Variants in LRRC75A observed in about 807,000 individuals in gnomAD.
LRRC75A encodes leucine-rich repeat-containing protein 75A.
A neutral mutation model predicts 26.0 loss-of-function variants in LRRC75A; 12 were observed. The ratio of observed to expected loss-of-function variants is 0.46; its 90% CI spans 0.30 to 0.75. The LOEUF (loss-of-function observed/expected upper bound fraction) is 0.75, where lower values mean the gene tolerates loss of function less well. Among genes scored for constraint, LRRC75A ranks in the 30% least tolerant of loss-of-function variants. LRRC75A has a pLI of 0.08. For missense variants in LRRC75A, 410 were observed against 486.6 expected, an observed-to-expected ratio of 0.84 and a Z score of 1.48; for synonymous variants, 223 against 219.3, an observed-to-expected ratio of 1.02 and a Z score of -0.15.
intron 2 of LRRC75A, among the ~76,000 whole-genome samples, chr17:16,457,048 TGCTGACCTGCAG>T (rs1368609363): frequency 6.6e-6 from 1 of 152,156 alleles, no homozygotes; most frequent in Non-Finnish European, 1.5e-5. Context: ...AAAGATGACG[TGCTGACCTGCAG>T]GCTGACCTGG....
intron 1 of LRRC75A, among the ~76,000 whole-genome samples, chr17:16,468,866 G>A (rs939652669): frequency 4.6e-5 from 7 of 152,192 alleles, no homozygotes; most frequent in African/African-American, 1.7e-4. Context: ...TCCAACCTGG[G>A]TGACAGAGCC....
intron 1 of LRRC75A, among the ~76,000 whole-genome samples, chr17:16,477,256 A>C (rs561085385): frequency 7.2e-5 from 11 of 152,346 alleles, no homozygotes; most frequent in Admixed American, 2.6e-4. Context: ...AAAATTGGGC[A>C]CCACAACCTA....
In LRRC75A at chr17:16,444,139, G is replaced by A. The variant is rs745634768; in HGVS notation, c.492-8C>T. On this transcript the variant is annotated splice_region_variant and splice_polypyrimidine_tract_variant and intron_variant, in intron 3 of 3. Coordinates refer to ENST00000470794, the MANE Select transcript of LRRC75A (RefSeq NM_001113567.3). ...GCCAGGACAGCCTTGAGGCTGAAGG[G>A]AAAAAGGACAAACAAGGCTCAGGCA... 6.3e-7 allele frequency: 1 copy of A among 1,576,624 alleles called. No homozygotes were observed. Among genetic ancestry groups the A allele is most frequent in the Admixed American group, 1.8e-5 (1 of 56,242 alleles).
At position 16,455,093 on chromosome 17, in the gene LRRC75A, C is replaced by T. The variant is rs527253373; in HGVS notation, c.376-7133G>A. On this transcript the variant is annotated intron_variant, in intron 2 of 3. Transcript: ENST00000470794. ...GATTACAGGCGCGTGCCACCACGCC[C>T]AGCTAATTTTTGTATTTTTAGTAGA... 4.0e-5 allele frequency among the ~76,000 whole-genome samples: 6 copies of T among 151,770 alleles called. No individual in the cohort carries two copies. The East Asian group carries it at 1.2e-3, about 30-fold the overall frequency.
Position 16,468,615 on chromosome 17 carries a change from G to A in LRRC75A, c.247-6229C>T, listed in dbSNP as rs553084577. 6.9e-4 allele frequency among the ~76,000 whole-genome samples: 105 copies of A among 152,382 alleles called. 2 individuals carry two copies. Among genetic ancestry groups the A allele is most frequent in the Middle Eastern group, 3.4e-3 (1 of 294 alleles). ...GGACACAGTGTCCGTTTTGCAAGAT[G>A]AGAGTTCTGGAGATCAGCTGCACAG... On this transcript the variant is annotated intron_variant, in intron 1 of 3. Transcript: ENST00000470794.
intron 1 of LRRC75A, among the ~76,000 whole-genome samples, chr17:16,475,438 C>T (rs984974929): frequency 6.6e-6 from 1 of 152,182 alleles, no homozygotes; most frequent in African/African-American, 2.4e-5. Context: ...AAGGAGCTGG[C>T]AGTGCTGTCT....
Position 16,485,631 on chromosome 17 carries a change from A to AGTGTGTGTGTGTGT in LRRC75A, c.246+6100_246+6113dup, listed in dbSNP as rs35125617. 1.8e-3 allele frequency among the ~76,000 whole-genome samples: 231 copies of AGTGTGTGTGTGTGT among 128,454 alleles called. 3 individuals carry two copies. Among genetic ancestry groups the AGTGTGTGTGTGTGT allele is most frequent in the African/African-American group, 6.3e-3 (199 of 31,642 alleles). The allele number at this position is 128,454 out of a possible 152,430, so 84.3% of individuals were successfully genotyped here. On this transcript the variant is annotated intron_variant, in intron 1 of 3. Coordinates refer to ENST00000470794, the MANE Select transcript of LRRC75A (RefSeq NM_001113567.3). ...ACAGCCAGGAGGAGCCAGGACAAGC[A>AGTGTGTGTGTGTGT]GTGTGTGTGTGTGTGTGTGTGTGTG... is the stretch of plus-strand genomic sequence containing the variant.
intron 2 of LRRC75A, among the ~76,000 whole-genome samples, chr17:16,456,082 A>G (rs1601120964): frequency 2.8e-5 from 3 of 107,306 alleles, no homozygotes; most frequent in Admixed American, 1.1e-4. Context: ...AGGAAGAGGG[A>G]GAGGAGGAGG....
intron 2 of LRRC75A, among the ~76,000 whole-genome samples, chr17:16,451,916 T>C (rs972810605): frequency 2.3e-4 from 26 of 115,202 alleles, no homozygotes; most frequent in Admixed American, 1.9e-3. Flanking sequence ...GGCTAATTTT[T>C]TTGCATTTTT....
In LRRC75A at chr17:16,443,325, A is replaced by G. The variant is rs1601051169; in HGVS notation, c.*263T>C. On this transcript the variant is annotated 3_prime_UTR_variant, in exon 4 of 4. Coordinates refer to ENST00000470794, the MANE Select transcript of LRRC75A (RefSeq NM_001113567.3). ...AGTCTTTGGGGAAGGCCATGAGCTG[A>G]GCTGAGAGGGTTCTCTGGGGCCTGG... 2 of 468,508 alleles carry G rather than the reference A, an allele frequency of 4.3e-6. No homozygotes were observed. The highest frequency in any genetic ancestry group is 3.3e-5 in the East Asian group (1 of 30,746). The allele number at this position is 468,508 out of a possible 1,614,324, so 29.0% of individuals were successfully genotyped here.
chr17:16,465,617 C>T (rs887473926), intron 1 of LRRC75A, among the ~76,000 whole-genome samples: 1 of 152,226 alleles, frequency 6.6e-6, no homozygotes, highest in African/African-American at 2.4e-5. Flanking sequence ...GCCCCATCTT[C>T]CTGGACCCCC....
In LRRC75A at chr17:16,491,713, GCGCGCCCCC is replaced by G; in HGVS notation, c.246+23_246+31del. On this transcript the variant is annotated intron_variant, in intron 1 of 3. Transcript: ENST00000470794. The surrounding 1 kb of genome is among the most constrained non-coding windows in gnomAD (Gnocchi z 5.9). ...CCGGCCCAGCACGCCCCCTGGCCCG[GCGCGCCCCC>G]CGCGCCCCCTCCCCGCGCTCACCTG... is the stretch of plus-strand genomic sequence containing the variant. 4 of 1,295,312 alleles carry G rather than the reference GCGCGCCCCC, an allele frequency of 3.1e-6. No homozygotes were observed. Among genetic ancestry groups the G allele is most frequent in the Non-Finnish European group, 3.9e-6 (4 of 1,022,726 alleles). The allele number at this position is 1,295,312 out of a possible 1,614,324, so 80.2% of individuals were successfully genotyped here.
intron 1 of LRRC75A, among the ~76,000 whole-genome samples, chr17:16,483,892 A>G (rs2093840288): frequency 6.6e-6 from 1 of 152,200 alleles, no homozygotes; most frequent in African/African-American, 2.4e-5. Context: ...GAGGAACAGG[A>G]ACTCGATTGT....
rs1394862395 is a variant in LRRC75A, at chr17:16,491,313, G to A, written c.246+432C>T. 6.6e-6 allele frequency among the ~76,000 whole-genome samples: 1 copy of A among 152,196 alleles called. No individual in the cohort carries two copies. ...GCTGTGCCCCTGGACTCGCTCTCGG[G>A]AAGCCAAGCCAGGTCCAACTGATAA... On this transcript the variant is annotated intron_variant, in intron 1 of 3. Coordinates refer to ENST00000470794, the MANE Select transcript of LRRC75A (RefSeq NM_001113567.3). This position sits in a 1 kb window ranked among gnomAD's most constrained non-coding sequence, Gnocchi z 5.9.
At chr17:16,485,078 C>A (rs899415055) in intron 1 of LRRC75A, among the ~76,000 whole-genome samples, 1 of 152,084 alleles carries the variant, frequency 6.6e-6, no homozygotes, top group Non-Finnish European at 1.5e-5. Context: ...CCCGCCCCTG[C>A]TTGGCGCGCC....
In LRRC75A at chr17:16,446,797, GC is replaced by G. The variant is rs1314099848; in HGVS notation, c.491+1047del. The G allele has an allele frequency of 7.7e-5, 17 of 220,180 alleles. No homozygotes were observed. In the East Asian group the frequency reaches 1.6e-3, roughly 21 times the overall value. 13.6% of individuals were successfully genotyped at this position (220,180 alleles called of 1,614,324 possible). A position where few individuals can be genotyped will look rare whatever the true frequency, so the allele number is the denominator to read the frequency against. ...TCTCATGGCATTCCAGGTTCCAAGG[GC>G]CCCCCGTCTTGCTGTATCCCCATAT... On this transcript the variant is annotated intron_variant, in intron 3 of 3. Transcript: ENST00000470794.
chr17:16,451,754 C>CT (rs888454935), intron 2 of LRRC75A, among the ~76,000 whole-genome samples: 11 of 150,448 alleles, frequency 7.3e-5, no homozygotes, highest in Admixed American at 1.3e-4. Flanking sequence ...GCTTTTTTTT[C>CT]TTTTTTTTGA....
rs2093733217 is a variant in LRRC75A at position 16,462,250 on chromosome 17, CACCCT to C, written c.375+3_375+7del. The C allele has an allele frequency of 1.9e-6, 3 of 1,613,968 alleles. No individual in the cohort carries two copies. In the Admixed American group the frequency reaches 5.0e-5, roughly 27 times the overall value. On this transcript the variant is annotated splice_donor_5th_base_variant and intron_variant, in intron 2 of 3. Coordinates refer to ENST00000470794, the MANE Select transcript of LRRC75A (RefSeq NM_001113567.3). The surrounding 1 kb of genome is among the most constrained non-coding windows in gnomAD (Gnocchi z 4.6). ...GGACCTGGCTGGCTCGGACCACAGC[CACCCT>C]ACCGGCTTGGGACAGTGGATGTAGC...
intron 2 of LRRC75A, among the ~76,000 whole-genome samples, chr17:16,448,929 T>C (rs966552593): frequency 1.3e-5 from 2 of 152,200 alleles, no homozygotes; most frequent in African/African-American, 4.8e-5. Context: ...CTGGGTTAAA[T>C]GGTGCAGCTG....
Sources: allele counts gnomAD v4.1 joint callset (sites outside exome capture counted in the v4.1 genomes callset), GRCh38; gene constraint gnomAD v4.1.1; non-coding constraint Gnocchi (gnomAD v3.1); transcripts MANE v1.5; gene names NCBI Gene and HGNC (gene_info 2026-07-23, HGNC 2026-07-21).